SEPTIN11: variants seen among roughly 807,000 people sequenced by gnomAD.
The protein encoded by SEPTIN11 is septin 11, also known as septin-11.
In SEPTIN11, 25 loss-of-function variants were observed where a neutral mutation model predicts 51.4. The ratio of observed to expected loss-of-function variants is 0.49; its 90% CI spans 0.35 to 0.68. The LOEUF (loss-of-function observed/expected upper bound fraction) is 0.68. Among genes scored for constraint, SEPTIN11 ranks in the 30% least tolerant of loss-of-function variants. The pLI is 0.00. For synonymous variants in SEPTIN11, 174 were observed against 184.1 expected (o/e 0.95, Z 0.44); for missense variants, 381 against 520.8 (o/e 0.73, Z 2.61).
intron 5 of SEPTIN11, among the ~76,000 whole-genome samples, chr4:77,016,641 T>TATATATACACAC (rs1553975102): frequency 2.1e-5 from 2 of 97,110 alleles, no homozygotes; most frequent in African/African-American, 3.7e-5. Context: ...CACATATATA[T>TATATATACACAC]ATATATATAT....
At chr4:76,959,068 G>T in intron 1 of SEPTIN11, 1 of 688,746 alleles carries the variant, frequency 1.5e-6, no homozygotes, top group Non-Finnish European at 2.8e-6. Context: ...TGATCATTTT[G>T]CAAGGCCCAC....
intron 5 of SEPTIN11, among the ~76,000 whole-genome samples, chr4:77,017,783 T>C (rs1277623447): frequency 6.6e-6 from 1 of 152,200 alleles, no homozygotes; most frequent in Non-Finnish European, 1.5e-5. Context: ...TATTCTTACA[T>C]GCTAATAGAA....
intron 1 of SEPTIN11, among the ~76,000 whole-genome samples, chr4:76,971,398 C>T (rs1487259615): frequency 6.6e-6 from 1 of 152,002 alleles, no homozygotes; most frequent in Non-Finnish European, 1.5e-5. Context: ...ATGTTTATCC[C>T]ACTATTCCAT....
At chr4:77,011,381 G>T (rs1253395598) in intron 3 of SEPTIN11, among the ~76,000 whole-genome samples, 3 of 152,192 alleles carry the variant, frequency 2.0e-5, no homozygotes, top group Non-Finnish European at 4.4e-5. Flanking sequence ...CCCCTTGGGG[G>T]AGTGGCAGTC....
At position 77,005,685 on chromosome 4, in the gene SEPTIN11, C is replaced by T. The variant is rs770280904; in HGVS notation, c.227C>T (p.Pro76Leu). Residue 76 changes from proline to leucine, a missense_variant, in exon 3 of 10, where the codon CCA becomes CTA. This residue lies in a region of SEPTIN11 where 184 missense variants were observed against 207.7 expected (regional missense o/e 0.89). Coordinates refer to ENST00000264893, the MANE Select transcript of SEPTIN11 (RefSeq NM_018243.4). ...FESDPATHNE[P>L]GVRLKARSYE... ...AGTGACCCAGCTACTCACAATGAACCAGGTGTTCGGTTAAAAGCCAGAAGT... is the reference window on the plus strand; with the variant it reads ...AGTGACCCAGCTACTCACAATGAACTAGGTGTTCGGTTAAAAGCCAGAAGT... 2 of 1,614,018 alleles carry T rather than the reference C, an allele frequency of 1.2e-6. No individual in the cohort carries two copies. Among genetic ancestry groups the T allele is most frequent in the South Asian group, 1.1e-5 (1 of 91,074 alleles).
downstream of SEPTIN11, among the ~76,000 whole-genome samples, chr4:77,038,808 T>A (rs566809900): frequency 1.1e-4 from 17 of 152,258 alleles, no homozygotes; most frequent in Admixed American, 3.9e-4. Context: ...GTACTTCACA[T>A]ATCATGTTAT....
At chr4:76,989,675 C>T (rs996744735) in intron 1 of SEPTIN11, among the ~76,000 whole-genome samples, 1 of 152,186 alleles carries the variant, frequency 6.6e-6, no homozygotes, top group African/African-American at 2.4e-5. Flanking sequence ...CATATACAAC[C>T]GTGGTTCTGT....
intron 8 of SEPTIN11, among the ~76,000 whole-genome samples, chr4:77,030,382 C>T (rs1018627393): frequency 2.6e-5 from 4 of 152,268 alleles, no homozygotes; most frequent in South Asian, 2.1e-4. Flanking sequence ...AGTGCAGCCA[C>T]ATGACACATA....
chr4:76,990,424 C>T (rs930367167), intron 1 of SEPTIN11, among the ~76,000 whole-genome samples: 3 of 152,132 alleles, frequency 2.0e-5, no homozygotes, highest in East Asian at 1.9e-4. Flanking sequence ...GGATGGAGTC[C>T]CCAATCCCCA....
At chr4:77,030,755 A>G (rs1485940770) in intron 8 of SEPTIN11, 28 bp from the exon 9 acceptor site, 1 of 1,570,788 alleles carries the variant, frequency 6.4e-7, no homozygotes, top group East Asian at 2.3e-5. Context: ...CATTCCATTC[A>G]CCAAGCCTGT....
intron 1 of SEPTIN11, among the ~76,000 whole-genome samples, chr4:76,952,480 G>T (rs1721390988): frequency 1.3e-5 from 2 of 152,142 alleles, no homozygotes; most frequent in African/African-American, 4.8e-5. Flanking sequence ...TCTTGAATGG[G>T]AACATCTGAG....
intron 2 of SEPTIN11, among the ~76,000 whole-genome samples, chr4:77,001,395 G>C (rs1388540385): frequency 6.6e-6 from 1 of 151,330 alleles, no homozygotes; most frequent in South Asian, 2.1e-4. Flanking sequence ...TGTCGCCCAG[G>C]CTGGAGTGCA....
chr4:76,989,990 C>T (rs753364065), intron 1 of SEPTIN11, among the ~76,000 whole-genome samples: 33 of 152,060 alleles, frequency 2.2e-4, no homozygotes, highest in Admixed American at 2.6e-4. Context: ...CCAAAGAGTG[C>T]GCAGCGGCAA....
At chr4:76,958,064 C>G (rs1327441196) in intron 1 of SEPTIN11, among the ~76,000 whole-genome samples, 1 of 152,154 alleles carries the variant, frequency 6.6e-6, no homozygotes, top group African/African-American at 2.4e-5. Flanking sequence ...ATGTCCTATA[C>G]CCCCCACCAA....
intron 1 of SEPTIN11, among the ~76,000 whole-genome samples, chr4:76,967,929 C>T (rs1410827495): frequency 6.6e-6 from 1 of 152,096 alleles, no homozygotes; most frequent in East Asian, 1.9e-4. Flanking sequence ...CAGGATTTCT[C>T]CAATACAGGC....
chr4:77,000,829 G>A (rs1724068565), intron 2 of SEPTIN11, among the ~76,000 whole-genome samples: 1 of 152,126 alleles, frequency 6.6e-6, no homozygotes, highest in Non-Finnish European at 1.5e-5. Flanking sequence ...CATCAAAGGT[G>A]ATTCTATGAG....
chr4:76,987,209 C>T (rs140862869), intron 1 of SEPTIN11, among the ~76,000 whole-genome samples: 6 of 152,286 alleles, frequency 3.9e-5, no homozygotes, highest in Middle Eastern at 3.4e-3. Context: ...CCAGCTGGGC[C>T]GCACTGAGAA....
In SEPTIN11 at chr4:77,034,863, T is replaced by C; in HGVS notation, c.*351T>C. On this transcript the variant is annotated 3_prime_UTR_variant, in exon 10 of 10. Transcript: ENST00000264893. ...CTACCTGTACGTCTGACATGAAAAC[T>C]TCTCACCGCCTCAGCAGCTGAACTA... 2 of 1,017,038 alleles carry C rather than the reference T, an allele frequency of 2.0e-6. No individual in the cohort carries two copies. The highest frequency in any genetic ancestry group is 2.4e-6 in the Non-Finnish European group (2 of 850,982). 63.0% of individuals were successfully genotyped at this position (1,017,038 alleles called of 1,614,324 possible).
intron 1 of SEPTIN11, among the ~76,000 whole-genome samples, chr4:76,954,579 A>G (rs780868902): frequency 1.3e-5 from 2 of 152,230 alleles, no homozygotes; most frequent in Non-Finnish European, 2.9e-5. Flanking sequence ...GAACATAAAA[A>G]CAATACTTGG....
Sources: gnomAD v4.1 joint callset for allele counts (sites outside exome capture counted in the v4.1 genomes callset) on GRCh38, gnomAD v4.1.1 for gene constraint, gnomAD v4.1.1 regional missense constraint, MANE v1.5 for transcripts, NCBI Gene and HGNC (gene_info 2026-07-23, HGNC 2026-07-21) for gene names.